The following WDR37 variants were observed in gnomAD, a reference collection of about 807,000 sequenced individuals.
The protein encoded by WDR37 is WD repeat-containing protein 37.
WDR37 carries 19 observed loss-of-function variants against 62.9 expected under a neutral mutation model. That is an observed-to-expected ratio of 0.30 (90% CI 0.21 to 0.44). The LOEUF (loss-of-function observed/expected upper bound fraction) is 0.44. Ranked by LOEUF, WDR37 falls within the 20% of genes least tolerant of loss-of-function variation. The pLI is 1.00. For synonymous variants in WDR37, 250 were observed against 260.9 expected (o/e 0.96, Z 0.40); for missense variants, 474 against 657.6 (o/e 0.72, Z 3.05).
intron 11 of WDR37, among the ~76,000 whole-genome samples, chr10:1,119,599 T>C (rs1835508425): frequency 6.6e-6 from 1 of 152,210 alleles, no homozygotes; most frequent in African/African-American, 2.4e-5. Context: ...GTAGCTTTGC[T>C]GTGGTGCCTG....
intron 1 of WDR37, among the ~76,000 whole-genome samples, chr10:1,068,856 T>C (rs1449624138): frequency 1.3e-5 from 2 of 152,226 alleles, no homozygotes; most frequent in African/African-American, 4.8e-5. Context: ...TATTTGGCAA[T>C]AAAAGGGAAT....
At chr10:1,113,871 C>T (rs1835298351) in intron 11 of WDR37, among the ~76,000 whole-genome samples, 1 of 150,678 alleles carries the variant, frequency 6.6e-6, no homozygotes, top group Admixed American at 6.6e-5. Context: ...TTGAATATTC[C>T]ATAAACTTCA....
intron 11 of WDR37, among the ~76,000 whole-genome samples, chr10:1,119,769 C>T (rs1019802895): frequency 6.6e-6 from 1 of 152,346 alleles, no homozygotes; most frequent in Non-Finnish European, 1.5e-5. Context: ...TGACGAGGAG[C>T]GGGGCCTGCA....
rs562052630 is a variant in WDR37, at chr10:1,105,530, A to G, written c.1103+263A>G. ...GCAGACAGAATGGGGGAGTGGGTGG[A>G]GAGGGTTAGAGAAGAGCAGGGCTGC... On this transcript the variant is annotated intron_variant, in intron 11 of 13. Coordinates refer to ENST00000263150, the MANE Select transcript of WDR37 (RefSeq NM_014023.4). The surrounding 1 kb of genome is among the most constrained non-coding windows in gnomAD (Gnocchi z 5.3). Among the ~76,000 whole-genome samples the G allele has an allele frequency of 1.3e-5, 2 of 152,266 alleles. No individual in the cohort carries two copies. The highest frequency in any genetic ancestry group is 1.9e-4 in the East Asian group (1 of 5,180).
At chr10:1,095,581 C>T (rs577439501) in intron 8 of WDR37, among the ~76,000 whole-genome samples, 2 of 152,264 alleles carry the variant, frequency 1.3e-5, no homozygotes, top group Admixed American at 6.5e-5. Context: ...GCCAGCCTGC[C>T]CGTGTGTGGG....
rs867917019 is a variant in WDR37 at position 1,108,749 on chromosome 10, C to T, written c.1103+3482C>T. Among the ~76,000 whole-genome samples, 560 of 128,146 alleles carry T rather than the reference C, an allele frequency of 4.4e-3. 41 individuals carry two copies. Among genetic ancestry groups the T allele is most frequent in the African/African-American group, 0.015 (535 of 35,940 alleles). 84.1% of individuals were successfully genotyped at this position (128,146 alleles called of 152,430 possible). On this transcript the variant is annotated intron_variant, in intron 11 of 13. Coordinates refer to ENST00000263150, the MANE Select transcript of WDR37 (RefSeq NM_014023.4). The stretch of plus-strand genomic sequence containing the variant: ...TTTGGCTTCTGTGATGCCCCCCCCC[C>T]CCGTGGAACCTGCAGGGCCCTGAGT...
intron 1 of WDR37, among the ~76,000 whole-genome samples, 188 bp from the exon 2 acceptor site, chr10:1,071,928 A>G (rs1264373212): frequency 6.6e-6 from 1 of 152,148 alleles, no homozygotes; most frequent in Non-Finnish European, 1.5e-5. Flanking sequence ...TGATAAAGAA[A>G]TTACTTCTTT....
chr10:1,116,557 G>A (rs533552719), intron 11 of WDR37, among the ~76,000 whole-genome samples: 5 of 152,226 alleles, frequency 3.3e-5, no homozygotes, highest in Non-Finnish European at 7.3e-5. Flanking sequence ...TTTTTAGGAA[G>A]TGTATAGATT....
Position 1,080,093 on chromosome 10 carries a change from A to G in WDR37, c.318A>G (p.Gln106=). 6.2e-7 allele frequency: 1 copy of G among 1,614,122 alleles called. No individual in the cohort carries two copies. Among genetic ancestry groups the G allele is most frequent in the East Asian group, 2.2e-5 (1 of 44,882 alleles). ...AIDGAELSKG[Q]LKTKASHSTS... ...ATGGAGCAGAGCTGAGTAAGGGCCA[A>G]CTCAAAACAAAAGGTAAGGTGAATC... The change falls in exon 4 of 14, where the codon CAA becomes CAG. Residue 106 remains glutamine, a synonymous_variant. Transcript: ENST00000263150.
At chr10:1,077,530 T>C (rs1052310128) in intron 2 of WDR37, among the ~76,000 whole-genome samples, 1 of 152,182 alleles carries the variant, frequency 6.6e-6, no homozygotes, top group African/African-American at 2.4e-5. Context: ...AAAATACTTG[T>C]AGGATAGCGT....
intron 2 of WDR37, among the ~76,000 whole-genome samples, chr10:1,074,689 A>G (rs1833816106): frequency 6.6e-6 from 1 of 152,190 alleles, no homozygotes. Context: ...GTGTTGATTA[A>G]CGTAGGAGTG....
chr10:1,068,006 G>A (rs1232378625), intron 1 of WDR37, among the ~76,000 whole-genome samples: 1 of 152,192 alleles, frequency 6.6e-6, no homozygotes, highest in Non-Finnish European at 1.5e-5. Context: ...ACATGTGGGA[G>A]CTAAAAAATG....
chr10:1,084,247 G>A (rs968576921), intron 5 of WDR37, among the ~76,000 whole-genome samples, 156 bp from the exon 6 acceptor site: 5 of 152,222 alleles, frequency 3.3e-5, no homozygotes, highest in Admixed American at 2.0e-4. Flanking sequence ...CACGCAGGGC[G>A]TTTCAGCTCA....
intron 3 of WDR37, among the ~76,000 whole-genome samples, chr10:1,078,652 C>T (rs1833945102): frequency 6.6e-6 from 1 of 152,178 alleles, no homozygotes; most frequent in Non-Finnish European, 1.5e-5. Flanking sequence ...CTATTACTTT[C>T]CAGTTTTTCT....
At chr10:1,097,109 A>G (rs1248833990) in intron 9 of WDR37, among the ~76,000 whole-genome samples, 1 of 152,224 alleles carries the variant, frequency 6.6e-6, no homozygotes, top group African/African-American at 2.4e-5. Flanking sequence ...CCTCGCTTAC[A>G]ATAAAGTGTG....
chr10:1,122,931 A>G lies in WDR37; in HGVS notation c.1104-1287A>G, dbSNP rs574734103. On this transcript the variant is annotated intron_variant, in intron 11 of 13. Coordinates refer to ENST00000263150, the MANE Select transcript of WDR37 (RefSeq NM_014023.4). ...ATCCGATTTTACCACGGGTAAGACT[A>G]TTTAATATACTTAGCACCATGTCAA... is the stretch of plus-strand genomic sequence containing the variant. 3.9e-5 allele frequency among the ~76,000 whole-genome samples: 6 copies of G among 152,364 alleles called. No individual in the cohort carries two copies. In the East Asian group the frequency reaches 9.6e-4, roughly 24 times the overall value.
rs1237934239 is a variant in WDR37 at position 1,100,432 on chromosome 10, T to C, written c.727-3170T>C. On this transcript the variant is annotated intron_variant, in intron 9 of 13. Coordinates refer to ENST00000263150, the MANE Select transcript of WDR37 (RefSeq NM_014023.4). ...AGGCTCCTTAGGTGGAAAGCAGTTT[T>C]GTTTTCTGAAGCTTTTGCCGGCCAG... Among the ~76,000 whole-genome samples, 3 of 147,900 alleles carry C rather than the reference T, an allele frequency of 2.0e-5. No individual in the cohort carries two copies. The East Asian group carries it at 5.8e-4, about 28-fold the overall frequency.
At chr10:1,068,360 G>T (rs1015996330) in intron 1 of WDR37, among the ~76,000 whole-genome samples, 1 of 71,102 alleles carries the variant, frequency 1.4e-5, no homozygotes, top group Non-Finnish European at 2.8e-5. Flanking sequence ...GGGCGCCTGA[G>T]GCAGGAGAAT....
intron 5 of WDR37, among the ~76,000 whole-genome samples, chr10:1,082,519 G>A (rs1450023011): frequency 6.6e-6 from 1 of 152,162 alleles, no homozygotes; most frequent in African/African-American, 2.4e-5. Flanking sequence ...TTTAGATTGC[G>A]CCGCAGTTCA....
Sources: allele counts gnomAD v4.1 joint callset (sites outside exome capture counted in the v4.1 genomes callset), GRCh38; gene constraint gnomAD v4.1.1; non-coding constraint Gnocchi (gnomAD v3.1); transcripts MANE v1.5; gene names NCBI Gene and HGNC (gene_info 2026-07-23, HGNC 2026-07-21).